TAFA5: variants seen among roughly 807,000 people sequenced by gnomAD.
TAFA5 encodes the protein TAFA chemokine like family member 5, also known as chemokine-like protein TAFA-5.
In TAFA5, 6 loss-of-function variants were observed where a neutral mutation model predicts 15.3. That is an observed-to-expected ratio of 0.39 (90% CI 0.21 to 0.77). TAFA5 has a LOEUF of 0.77. TAFA5 is among the 30% of genes least tolerant of loss of function. TAFA5 has a pLI of 0.41. For synonymous variants in TAFA5, 103 were observed against 80.7 expected (o/e 1.28, Z -1.48); for missense variants, 161 against 193.1 (o/e 0.83, Z 0.98).
intron 1 of TAFA5, among the ~76,000 whole-genome samples, chr22:48,517,571 G>A (rs1333570449): frequency 3.3e-5 from 5 of 152,216 alleles, no homozygotes; most frequent in African/African-American, 9.6e-5. Context: ...TCTCCACTGA[G>A]GATCCTGGGC....
intron 1 of TAFA5, among the ~76,000 whole-genome samples, chr22:48,508,690 G>A (rs117964254): frequency 1.3e-4 from 20 of 152,260 alleles, no homozygotes; most frequent in East Asian, 7.7e-4. Flanking sequence ...TTTAGTTGGC[G>A]TAAAATAATG....
intron 1 of TAFA5, among the ~76,000 whole-genome samples, chr22:48,588,338 A>G (rs1924435440): frequency 6.6e-6 from 1 of 152,168 alleles, no homozygotes; most frequent in Admixed American, 6.5e-5. Context: ...CAAGGGCAGA[A>G]AGTGCAGTCT....
At chr22:48,516,152 G>A (rs1304976475) in intron 1 of TAFA5, among the ~76,000 whole-genome samples, 2 of 152,106 alleles carry the variant, frequency 1.3e-5, no homozygotes, top group South Asian at 4.2e-4. Flanking sequence ...ACTTTATGAC[G>A]CGCTACCCAA....
intron 3 of TAFA5, among the ~76,000 whole-genome samples, chr22:48,725,158 C>T (rs1030262803): frequency 6.6e-6 from 1 of 152,250 alleles, no homozygotes; most frequent in Non-Finnish European, 1.5e-5. Flanking sequence ...TGCTGCACAT[C>T]GCCCGGACCT....
intron 3 of TAFA5, among the ~76,000 whole-genome samples, chr22:48,737,889 G>A (rs13058161): frequency 0.24 from 35,843 of 151,988 alleles, 4,636 homozygotes; most frequent in Admixed American, 0.32. Context: ...TGGACCGAGC[G>A]TGAGATGCTG....
chr22:48,495,985 A>G (rs942337833), intron 1 of TAFA5, among the ~76,000 whole-genome samples: 1 of 152,106 alleles, frequency 6.6e-6, no homozygotes, highest in Non-Finnish European at 1.5e-5. Context: ...CCTCTCCCAC[A>G]TACTCCGGAT....
chr22:48,717,568 C>T (rs1188748179), intron 3 of TAFA5, among the ~76,000 whole-genome samples: 1 of 152,218 alleles, frequency 6.6e-6, no homozygotes, highest in East Asian at 1.9e-4. Context: ...CACAAATGCC[C>T]TGAGGCTCCA....
chr22:48,680,692 AG>A (rs1225169121), intron 2 of TAFA5, among the ~76,000 whole-genome samples: 1 of 152,228 alleles, frequency 6.6e-6, no homozygotes, highest in African/African-American at 2.4e-5. Context: ...AGGGCAGAGG[AG>A]GACTGAGGAT....
chr22:48,678,748 G>A (rs1158829235), intron 2 of TAFA5, among the ~76,000 whole-genome samples: 2 of 144,420 alleles, frequency 1.4e-5, no homozygotes, highest in East Asian at 2.0e-4. Flanking sequence ...AAAAGAAAAC[G>A]GAAAAACAAA....
chr22:48,504,916 C>T (rs1920979075), intron 1 of TAFA5, among the ~76,000 whole-genome samples: 1 of 152,166 alleles, frequency 6.6e-6, no homozygotes, highest in Admixed American at 6.5e-5. Context: ...ACACACCCCA[C>T]CCTGCCCTGA....
chr22:48,592,554 C>T (rs559191706), intron 1 of TAFA5, among the ~76,000 whole-genome samples: 25 of 152,304 alleles, frequency 1.6e-4, no homozygotes, highest in African/African-American at 4.8e-4. Context: ...TGAAGAACCA[C>T]GAAACGGGTG....
At chr22:48,569,824 G>A (rs781337631) in intron 1 of TAFA5, among the ~76,000 whole-genome samples, 7 of 152,190 alleles carry the variant, frequency 4.6e-5, no homozygotes, top group Non-Finnish European at 1.0e-4. Context: ...TGCGGCTGGC[G>A]TGCCCTCTCA....
At chr22:48,542,480 GGTGT>G (rs143903123) in intron 1 of TAFA5, among the ~76,000 whole-genome samples, 20 of 98,802 alleles carry the variant, frequency 2.0e-4, no homozygotes, top group Admixed American at 1.7e-3. Context: ...ATGTGTGTGT[GGTGT>G]GTGTGTGGTG....
rs192504266 is a variant in TAFA5, at chr22:48,619,509, C to A, written c.113-27088C>A. Among the ~76,000 whole-genome samples, 15 of 152,344 alleles carry A rather than the reference C, an allele frequency of 9.8e-5. No individual in the cohort carries two copies. The South Asian group carries it at 3.1e-3, about 32-fold the overall frequency. On this transcript the variant is annotated intron_variant, in intron 1 of 3. Transcript: ENST00000402357. ...TAGCTGGGACTACAGGTGCCCACCACCACACCCAGCTAATTTTTGTATTTT... is the reference window on the plus strand; with the variant it reads ...TAGCTGGGACTACAGGTGCCCACCAACACACCCAGCTAATTTTTGTATTTT...
intron 3 of TAFA5, among the ~76,000 whole-genome samples, chr22:48,728,304 T>A (rs1929766803): frequency 6.6e-6 from 1 of 152,254 alleles, no homozygotes; most frequent in South Asian, 2.1e-4. Context: ...GACTTTCTTA[T>A]AATTTATTGA....
At chr22:48,655,005 A>C (rs1927186419) in intron 2 of TAFA5, among the ~76,000 whole-genome samples, 2 of 152,174 alleles carry the variant, frequency 1.3e-5, no homozygotes, top group African/African-American at 4.8e-5. Context: ...ATCTGGTAGT[A>C]GCTGGATGCA....
chr22:48,707,823 C>T lies in TAFA5; in HGVS notation c.369C>T (p.Gly123=), dbSNP rs369531199. 403 of 1,613,518 alleles carry T rather than the reference C, an allele frequency of 2.5e-4. 3 individuals are homozygous for T. The highest frequency in any genetic ancestry group is 2.4e-3 in the South Asian group (220 of 91,050). ...CAGGCTGGACGTGCACGCAGCCCGG[C>T]GGGAGGATAAAGACCACCACGGTAT... ...NRSGWTCTQP[G]GRIKTTTVS Residue 123 remains glycine, a synonymous_variant, in exon 3 of 4, where the codon GGC becomes GGT. Transcript: ENST00000402357.
chr22:48,702,909 G>C (rs1199632967), intron 2 of TAFA5, among the ~76,000 whole-genome samples: 1 of 152,258 alleles, frequency 6.6e-6, no homozygotes, highest in Non-Finnish European at 1.5e-5. Flanking sequence ...AAGGTGTTGT[G>C]TGCTCAGGGC....
At chr22:48,672,275 A>G (rs974522079) in intron 2 of TAFA5, among the ~76,000 whole-genome samples, 2 of 152,250 alleles carry the variant, frequency 1.3e-5, no homozygotes, top group East Asian at 1.9e-4. Flanking sequence ...TCTGCGTGCA[A>G]TACAACAGTC....
Sources: gnomAD v4.1 joint callset for allele counts (sites outside exome capture counted in the v4.1 genomes callset) on GRCh38, gnomAD v4.1.1 for gene constraint, MANE v1.5 for transcripts, NCBI Gene and HGNC (gene_info 2026-07-23, HGNC 2026-07-21) for gene names.